The following GPC3 variants were observed in gnomAD, a reference collection of about 807,000 sequenced individuals.
GPC3 encodes the protein glypican 3.
Under a neutral mutation model 34.4 loss-of-function variants are expected in GPC3, and 3 were observed. The observed-to-expected ratio is 0.09, with a 90% confidence interval of 0.04 to 0.23. The LOEUF (loss-of-function observed/expected upper bound fraction) is 0.23, where lower values mean the gene tolerates loss of function less well. Ranked by LOEUF, GPC3 falls within the 10% of genes least tolerant of loss-of-function variation. The probability of loss-of-function intolerance (pLI) is 1.00; values close to 1 mark genes in which losing one functional copy is unlikely to be tolerated. For synonymous variants in GPC3, 177 were observed against 174.0 expected, an observed-to-expected ratio of 1.02 and a Z score of -0.13; for missense variants, 351 against 445.6, an observed-to-expected ratio of 0.79 and a Z score of 1.91.
At chrX:133,716,129 G>T (rs56942573) in intron 3 of GPC3, among the ~76,000 whole-genome samples, 7,532 of 112,006 alleles carry the variant, frequency 0.067, 650 homozygotes, top group African/African-American at 0.23. Context: ...TGAGAAAAGT[G>T]ACAAAGAAAT....
intron 3 of GPC3, among the ~76,000 whole-genome samples, chrX:133,733,714 C>G (rs368066541): frequency 2.7e-5 from 3 of 110,825 alleles, no homozygotes; most frequent in East Asian, 2.8e-4. Context: ...GGGGACATTA[C>G]TACTGGCCTT....
At chrX:133,785,947 C>T (rs965997878) in intron 2 of GPC3, among the ~76,000 whole-genome samples, 6 of 112,238 alleles carry the variant, frequency 5.3e-5, no homozygotes, top group Admixed American at 4.7e-4. Context: ...TATTCATGCA[C>T]AGTATAATAT....
chrX:133,692,119 T>C (rs1174922947), intron 5 of GPC3, among the ~76,000 whole-genome samples: 3 of 112,029 alleles, frequency 2.7e-5, no homozygotes, highest in Non-Finnish European at 3.8e-5. Context: ...TGGCTAACTT[T>C]TGTATTTTTA....
At chrX:133,725,802 G>A (rs748226311) in intron 3 of GPC3, among the ~76,000 whole-genome samples, 2 of 111,807 alleles carry the variant, frequency 1.8e-5, no homozygotes, top group East Asian at 2.8e-4. Context: ...TACAACTAGG[G>A]CGCAGGTACT....
intron 5 of GPC3, among the ~76,000 whole-genome samples, chrX:133,667,248 T>C (rs2070776984): frequency 8.9e-6 from 1 of 112,072 alleles, no homozygotes. Flanking sequence ...AAATATACAA[T>C]ATAGTATTCT....
chrX:133,671,288 A>G (rs1236780649), intron 5 of GPC3: 1 of 907,222 alleles, frequency 1.1e-6, no homozygotes, highest in African/African-American at 1.9e-5. Context: ...GAAGAAAAAG[A>G]CCTCAAGAAA....
chrX:133,607,103 T>C (rs2070058388), intron 6 of GPC3, among the ~76,000 whole-genome samples: 1 of 111,078 alleles, frequency 9.0e-6, no homozygotes, highest in African/African-American at 3.3e-5. Context: ...TTAGTTGATC[T>C]ATATGGGACC....
intron 2 of GPC3, among the ~76,000 whole-genome samples, chrX:133,877,722 G>A (rs761719788): frequency 4.5e-5 from 5 of 111,817 alleles, no homozygotes; most frequent in Non-Finnish European, 9.4e-5. Flanking sequence ...TTCATGTAAC[G>A]AAGGCTATAC....
At chrX:133,561,028 T>C (rs2069536230) in intron 7 of GPC3, among the ~76,000 whole-genome samples, 1 of 111,599 alleles carries the variant, frequency 9.0e-6, no homozygotes, top group Non-Finnish European at 1.9e-5. Flanking sequence ...AGTAAAGACA[T>C]ATACCTCTTT....
At chrX:133,944,657 CATTA>C (rs2076359738) in intron 2 of GPC3, among the ~76,000 whole-genome samples, 3 of 112,215 alleles carry the variant, frequency 2.7e-5, no homozygotes, top group Non-Finnish European at 3.8e-5. Context: ...TGCATTTTGA[CATTA>C]ATTATATTAA....
chrX:133,687,977 A>AT (rs2071026286), intron 5 of GPC3, among the ~76,000 whole-genome samples: 1 of 112,394 alleles, frequency 8.9e-6, no homozygotes. Flanking sequence ...TTATCCAGAT[A>AT]TTTGGCCTAG....
intron 2 of GPC3, among the ~76,000 whole-genome samples, chrX:133,902,748 T>G (rs2076149412): frequency 1.8e-5 from 2 of 111,117 alleles, no homozygotes; most frequent in African/African-American, 6.5e-5. Flanking sequence ...AAAAGAAATT[T>G]TAGGATATGT....
At chrX:133,934,236 G>A (rs1157588837) in intron 2 of GPC3, among the ~76,000 whole-genome samples, 1 of 105,900 alleles carries the variant, frequency 9.4e-6, no homozygotes, top group Non-Finnish European at 1.9e-5. Flanking sequence ...CGCTCTTGTT[G>A]CCAAGGCTGG....
intron 2 of GPC3, among the ~76,000 whole-genome samples, chrX:133,907,723 A>G (rs779927232): frequency 4.7e-4 from 52 of 111,397 alleles, no homozygotes; most frequent in Non-Finnish European, 6.4e-4. Context: ...TTGTTTTCCT[A>G]AAACACCTCC....
intron 3 of GPC3, among the ~76,000 whole-genome samples, chrX:133,744,812 C>T (rs2071596729): frequency 8.9e-6 from 1 of 112,047 alleles, no homozygotes; most frequent in Non-Finnish European, 1.9e-5. Flanking sequence ...TACATATACA[C>T]CATGTAATAC....
At chrX:133,836,786 A>G (rs2075801627) in intron 2 of GPC3, among the ~76,000 whole-genome samples, 1 of 111,439 alleles carries the variant, frequency 9.0e-6, no homozygotes, top group Non-Finnish European at 1.9e-5. Context: ...GGTGATGACT[A>G]TGGTGCTTTG....
At chrX:133,655,497 C>T (rs766642441) in intron 6 of GPC3, among the ~76,000 whole-genome samples, 85 of 108,485 alleles carry the variant, frequency 7.8e-4, no homozygotes, top group Middle Eastern at 9.3e-3. Flanking sequence ...CACACACACA[C>T]ACACACACCC....
At chrX:133,835,810 GA>G (rs1227612531) in intron 2 of GPC3, among the ~76,000 whole-genome samples, 1 of 111,901 alleles carries the variant, frequency 8.9e-6, no homozygotes, top group Non-Finnish European at 1.9e-5. Flanking sequence ...CTATTATCAG[GA>G]AAAAAAATCA....
chrX:133,544,433 C>G (rs371166305), intron 7 of GPC3, among the ~76,000 whole-genome samples: 2 of 112,087 alleles, frequency 1.8e-5, no homozygotes, highest in South Asian at 3.7e-4. Flanking sequence ...CTTTTTCTAA[C>G]ACAAATGTTT....
Sources: gnomAD v4.1 joint callset for allele counts (sites outside exome capture counted in the v4.1 genomes callset) on GRCh38, gnomAD v4.1.1 for gene constraint, MANE v1.5 for transcripts, NCBI Gene and HGNC (gene_info 2026-07-23, HGNC 2026-07-21) for gene names.